Variants in DTWD2 observed in about 807,000 individuals in gnomAD.
The protein encoded by DTWD2 is tRNA-uridine aminocarboxypropyltransferase 2.
Under a neutral mutation model 31.8 loss-of-function variants are expected in DTWD2, and 39 were observed. The observed-to-expected ratio is 1.22, with a 90% CI of 0.95 to 1.60. The LOEUF is 1.60. Among genes scored for constraint, DTWD2 ranks in the 40% most tolerant of loss-of-function variants. The pLI is 0.00. For synonymous variants in DTWD2, 180 were observed against 142.8 expected, an observed-to-expected ratio of 1.26 and a Z score of -1.86; for missense variants, 515 against 381.5, an observed-to-expected ratio of 1.35 and a Z score of -2.92.
At chr5:118,943,190 T>C (rs892564089) in intron 2 of DTWD2, among the ~76,000 whole-genome samples, 27 of 152,186 alleles carry the variant, frequency 1.8e-4, no homozygotes, top group Admixed American at 9.8e-4. Flanking sequence ...TTAAGTTTAA[T>C]TGAAGTAAAA....
intron 1 of DTWD2, among the ~76,000 whole-genome samples, chr5:118,945,884 C>A (rs1289341568): frequency 6.6e-6 from 1 of 151,978 alleles, no homozygotes; most frequent in African/African-American, 2.4e-5. Context: ...ATGTTATATG[C>A]CATTACAATA....
chr5:118,951,600 C>T (rs149827480), intron 1 of DTWD2, among the ~76,000 whole-genome samples: 4,707 of 152,164 alleles, frequency 0.031, 86 homozygotes, highest in African/African-American at 0.036. Context: ...TGGGGTCAAG[C>T]GGTGTTGCAG....
intron 1 of DTWD2, among the ~76,000 whole-genome samples, chr5:118,978,139 T>TA (rs1755209041): frequency 6.6e-6 from 1 of 151,886 alleles, no homozygotes; most frequent in Non-Finnish European, 1.5e-5. Flanking sequence ...AACTTTTTTT[T>TA]ACGTGGTGCT....
intron 4 of DTWD2, among the ~76,000 whole-genome samples, chr5:118,888,891 A>G (rs1156931383): frequency 2.0e-5 from 3 of 152,194 alleles, no homozygotes; most frequent in Non-Finnish European, 4.4e-5. Context: ...TGTTTTTCAT[A>G]TATCTTCACT....
At chr5:118,921,523 A>G (rs182889624) in intron 4 of DTWD2, among the ~76,000 whole-genome samples, 20 of 146,422 alleles carry the variant, frequency 1.4e-4, no homozygotes, top group Admixed American at 1.2e-3. Context: ...CCATCTCTTA[A>G]AAAAAAAAAA....
At chr5:118,845,146 GAAAAGAAAAAGAA>G (rs759849006) in intron 5 of DTWD2, among the ~76,000 whole-genome samples, 16 of 151,474 alleles carry the variant, frequency 1.1e-4, no homozygotes, top group Non-Finnish European at 1.8e-4. Flanking sequence ...GACTCTGTTG[GAAAAGAAAAAGAA>G]AAAAGAAAAA....
At chr5:118,913,430 T>TATATATAGATATATATAGATATATATAG (rs1561453000) in intron 4 of DTWD2, among the ~76,000 whole-genome samples, 1 of 131,112 alleles carries the variant, frequency 7.6e-6, no homozygotes, top group Non-Finnish European at 1.6e-5. Context: ...GATATATATA[T>TATATATAGATATATATAGATATATATAG]ATACACACAC....
chr5:118,850,855 G>C (rs917206572), intron 4 of DTWD2, among the ~76,000 whole-genome samples: 1 of 152,148 alleles, frequency 6.6e-6, no homozygotes, highest in Non-Finnish European at 1.5e-5. Flanking sequence ...TGTGGGCAAA[G>C]GATGTGAAAA....
intron 1 of DTWD2, among the ~76,000 whole-genome samples, chr5:118,961,346 ATTAAT>A (rs1228131370): frequency 3.3e-5 from 5 of 152,226 alleles, no homozygotes; most frequent in African/African-American, 7.2e-5. Flanking sequence ...TTAACAGCAA[ATTAAT>A]TTAATCACTC....
chr5:118,838,205 G>A lies in DTWD2; in HGVS notation c.*2712C>T, dbSNP rs1436320721. 2 of 152,076 alleles carry A rather than the reference G, an allele frequency of 1.3e-5. No homozygotes were observed. Among genetic ancestry groups the A allele is most frequent in the Non-Finnish European group, 1.5e-5 (1 of 68,030 alleles). 9.4% of individuals were successfully genotyped at this position (152,076 alleles called of 1,614,324 possible). ...CTCTCAATACCTCTCATTACACGCA[G>A]TGATTTTCAACATACTATAAAGGAG... is the stretch of plus-strand genomic sequence containing the variant. On this transcript the variant is annotated 3_prime_UTR_variant, in exon 6 of 6. Transcript: ENST00000510708.
chr5:118,974,286 C>G (rs1328449857), intron 1 of DTWD2, among the ~76,000 whole-genome samples: 1 of 152,078 alleles, frequency 6.6e-6, no homozygotes, highest in African/African-American at 2.4e-5. Context: ...TCTCCACCAC[C>G]CAACCCAAAC....
At chr5:118,865,760 C>G (rs556328534) in intron 4 of DTWD2, among the ~76,000 whole-genome samples, 1 of 152,240 alleles carries the variant, frequency 6.6e-6, no homozygotes, top group East Asian at 1.9e-4. Flanking sequence ...TCACAATAAA[C>G]ACTCCAAAAA....
At chr5:118,891,251 A>T in intron 4 of DTWD2, among the ~76,000 whole-genome samples, 1 of 149,738 alleles carries the variant, frequency 6.7e-6, no homozygotes, top group East Asian at 1.9e-4. Flanking sequence ...AAGGTCAAGT[A>T]TTTTTTTTTT....
intron 4 of DTWD2, among the ~76,000 whole-genome samples, chr5:118,908,350 A>G (rs1034337285): frequency 6.6e-6 from 1 of 152,180 alleles, no homozygotes; most frequent in Admixed American, 6.5e-5. Flanking sequence ...GCTGGCAGCC[A>G]GTGTATCTAA....
At chr5:118,844,827 A>C (rs922135024) in intron 5 of DTWD2, among the ~76,000 whole-genome samples, 1 of 152,182 alleles carries the variant, frequency 6.6e-6, no homozygotes, top group African/African-American at 2.4e-5. Context: ...TATAGAATGA[A>C]GCCAAGTGAA....
intron 3 of DTWD2, among the ~76,000 whole-genome samples, chr5:118,933,559 T>C (rs1753971999): frequency 6.6e-6 from 1 of 152,118 alleles, no homozygotes; most frequent in South Asian, 2.1e-4. Context: ...ATCAAAGGAC[T>C]GTATCAATTC....
intron 4 of DTWD2, among the ~76,000 whole-genome samples, chr5:118,860,071 T>C (rs1162224882): frequency 2.0e-5 from 3 of 151,988 alleles, no homozygotes; most frequent in Non-Finnish European, 2.9e-5. Flanking sequence ...TGAGCCATGA[T>C]CATTCCACTG....
intron 4 of DTWD2, among the ~76,000 whole-genome samples, chr5:118,867,362 GA>G (rs146813420): frequency 7.5e-5 from 11 of 147,506 alleles, no homozygotes; most frequent in South Asian, 2.1e-4. Context: ...TTCCACAGGA[GA>G]AAAAAAAAAC....
intron 1 of DTWD2, among the ~76,000 whole-genome samples, chr5:118,964,054 A>G (rs914874908): frequency 6.6e-6 from 1 of 152,040 alleles, no homozygotes; most frequent in African/African-American, 2.4e-5. Context: ...TATTAAAAAT[A>G]CAAAAATTAG....
Sources: allele counts gnomAD v4.1 joint callset (sites outside exome capture counted in the v4.1 genomes callset), GRCh38; gene constraint gnomAD v4.1.1; transcripts MANE v1.5; gene names NCBI Gene and HGNC (gene_info 2026-07-23, HGNC 2026-07-21).